Variants in DSCAML1 observed in about 807,000 individuals in gnomAD.
DSCAML1 encodes the protein DS cell adhesion molecule like 1.
In DSCAML1, 38 loss-of-function variants were observed where a neutral mutation model predicts 200.5. The observed-to-expected ratio is 0.19, with a 90% confidence interval of 0.15 to 0.25. The LOEUF is 0.25. DSCAML1 is among the 10% of genes least tolerant of loss of function. The pLI, the probability that DSCAML1 is intolerant of heterozygous loss-of-function variation, is 1.00. For synonymous variants in DSCAML1, 1,215 were observed against 1,165.0 expected, an observed-to-expected ratio of 1.04 and a Z score of -0.87; for missense variants, 2,223 against 2,858.8, an observed-to-expected ratio of 0.78 and a Z score of 5.07.
intron 19 of DSCAML1, among the ~76,000 whole-genome samples, chr11:117,456,895 G>A (rs1375921688): frequency 2.6e-5 from 4 of 151,896 alleles, no homozygotes; most frequent in African/African-American, 4.8e-5. Context: ...GGCTGGTCTC[G>A]CACTCCTGAC....
chr11:117,740,214 G>A (rs2054397100), intron 3 of DSCAML1, among the ~76,000 whole-genome samples: 2 of 152,064 alleles, frequency 1.3e-5, no homozygotes, highest in Non-Finnish European at 2.9e-5. Flanking sequence ...ATGGTTCTGT[G>A]GGAAAAAAAG....
intron 3 of DSCAML1, among the ~76,000 whole-genome samples, chr11:117,744,708 A>G (rs527574056): frequency 6.6e-6 from 1 of 152,342 alleles, no homozygotes; most frequent in Admixed American, 6.5e-5. Flanking sequence ...TGTGCAACCT[A>G]TTCTGGCCTG....
At chr11:117,466,199 G>A (rs1189369110) in intron 16 of DSCAML1, among the ~76,000 whole-genome samples, 4 of 152,196 alleles carry the variant, frequency 2.6e-5, no homozygotes, top group African/African-American at 7.2e-5. Flanking sequence ...CAACTCAAGT[G>A]TTCACCAGGA....
At chr11:117,799,590 T>C (rs1414871694), upstream of DSCAML1, among the ~76,000 whole-genome samples, 2 of 152,164 alleles carry the variant, frequency 1.3e-5, no homozygotes, top group Admixed American at 1.3e-4. Context: ...GGTGGTCAGT[T>C]GGGGAGAGCA....
chr11:117,445,981 T>C (rs901188369), intron 20 of DSCAML1, among the ~76,000 whole-genome samples: 2 of 152,236 alleles, frequency 1.3e-5, no homozygotes, highest in Non-Finnish European at 2.9e-5. Context: ...TTTACCCATT[T>C]TTCTAATCAT....
chr11:117,588,947 T>C (rs498889), intron 3 of DSCAML1, among the ~76,000 whole-genome samples: 32,418 of 152,068 alleles, frequency 0.21, 3,817 homozygotes, highest in South Asian at 0.46. Flanking sequence ...CTGCTGCCAT[T>C]TGCAGAGGGG....
At chr11:117,508,451 G>A (rs998946352) in intron 8 of DSCAML1, among the ~76,000 whole-genome samples, 4 of 151,942 alleles carry the variant, frequency 2.6e-5, no homozygotes, top group Non-Finnish European at 5.9e-5. Context: ...ACAAACATAC[G>A]TCTCAATATC....
chr11:117,746,942 T>C (rs1006505856), intron 3 of DSCAML1, among the ~76,000 whole-genome samples: 6 of 152,008 alleles, frequency 3.9e-5, no homozygotes, highest in Non-Finnish European at 5.9e-5. Context: ...TAACACTGGG[T>C]TAGAAAGTAT....
chr11:117,533,839 C>A (rs1346037331), intron 3 of DSCAML1, among the ~76,000 whole-genome samples: 5 of 152,218 alleles, frequency 3.3e-5, no homozygotes, highest in African/African-American at 1.2e-4. Context: ...ACTCCCTAAG[C>A]TCATGGATGT....
At chr11:117,434,166 A>G (rs1473044939) in intron 27 of DSCAML1, among the ~76,000 whole-genome samples, 3 of 152,142 alleles carry the variant, frequency 2.0e-5, no homozygotes, top group African/African-American at 7.2e-5. Context: ...CTGGCTATCC[A>G]TTCACCCATC....
At position 117,435,718 on chromosome 11, in the gene DSCAML1, A is replaced by G. The variant is rs1440628149; in HGVS notation, c.4802T>C (p.Leu1601Pro). 1 of 1,613,358 alleles carries G rather than the reference A, an allele frequency of 6.2e-7. No individual in the cohort carries two copies. Among genetic ancestry groups the G allele is most frequent in the East Asian group, 2.2e-5 (1 of 44,852 alleles). Residue 1601 changes from leucine to proline, a missense_variant, in exon 27 of 33, where the codon CTG becomes CCG. This residue lies in a region of DSCAML1 where 614 missense variants were observed against 739.1 expected (regional missense o/e 0.83). Transcript: ENST00000651296. ...KLFTIGCPVI[L>P]ATLGVALLFI... ...GAGCAGTGCCACCCCCAGTGTGGCCAGGATGACAGGGCAGCCGATGGTGAA... is the reference window on the plus strand; with the variant it reads ...GAGCAGTGCCACCCCCAGTGTGGCCGGGATGACAGGGCAGCCGATGGTGAA...
At chr11:117,687,924 G>A (rs560606807) in intron 3 of DSCAML1, among the ~76,000 whole-genome samples, 34 of 152,280 alleles carry the variant, frequency 2.2e-4, no homozygotes, top group African/African-American at 6.5e-4. Flanking sequence ...GATGGGCCAC[G>A]TGGTCCAAGT....
chr11:117,680,383 C>T (rs2053291311), intron 3 of DSCAML1, among the ~76,000 whole-genome samples: 1 of 152,228 alleles, frequency 6.6e-6, no homozygotes, highest in Admixed American at 6.5e-5. Context: ...CAGGGAGTCC[C>T]ACTCCCCTGC....
At chr11:117,532,585 T>G (rs1592703809) in intron 3 of DSCAML1, 63 bp from the exon 4 acceptor site, 1 of 1,517,570 alleles carries the variant, frequency 6.6e-7, no homozygotes, top group East Asian at 2.3e-5. Context: ...AGAGGCAGGG[T>G]AGCGTCTCTG....
chr11:117,430,330 C>T (rs2047760043), intron 32 of DSCAML1, among the ~76,000 whole-genome samples: 1 of 152,232 alleles, frequency 6.6e-6, no homozygotes, highest in Admixed American at 6.5e-5. Flanking sequence ...CTGAAGGGAT[C>T]TGTTTCCATC....
intron 1 of DSCAML1, among the ~76,000 whole-genome samples, chr11:117,816,398 TG>T (rs2055807117): frequency 6.6e-6 from 1 of 152,236 alleles, no homozygotes; most frequent in South Asian, 2.1e-4. Flanking sequence ...CATTTGCCTC[TG>T]ATCTCCGCTG....
chr11:117,733,547 C>A (rs2054262450), intron 3 of DSCAML1, among the ~76,000 whole-genome samples: 1 of 152,226 alleles, frequency 6.6e-6, no homozygotes, highest in African/African-American at 2.4e-5. Context: ...ACAGTCACAC[C>A]CTCCTGCAAG....
intron 3 of DSCAML1, among the ~76,000 whole-genome samples, chr11:117,604,958 G>A (rs969375387): frequency 6.6e-6 from 1 of 152,126 alleles, no homozygotes; most frequent in African/African-American, 2.4e-5. Flanking sequence ...TGTGGGTTTC[G>A]GGAGGAACCT....
intron 3 of DSCAML1, among the ~76,000 whole-genome samples, chr11:117,754,814 C>T (rs929092652): frequency 7.2e-5 from 11 of 152,114 alleles, no homozygotes; most frequent in African/African-American, 2.7e-4. Context: ...AAATGATCCC[C>T]TCACCTACTT....
Sources: allele counts gnomAD v4.1 joint callset (sites outside exome capture counted in the v4.1 genomes callset), GRCh38; gene constraint gnomAD v4.1.1; regional missense constraint gnomAD v4.1.1; transcripts MANE v1.5; gene names NCBI Gene and HGNC (gene_info 2026-07-23, HGNC 2026-07-21).